Variants in UTRN observed in about 807,000 individuals in gnomAD.
The protein encoded by UTRN is dystrophin-related protein 1.
Under a neutral mutation model 463.9 loss-of-function variants are expected in UTRN, and 283 were observed. That is an observed-to-expected ratio of 0.61 (90% CI 0.55 to 0.67). The LOEUF is 0.67. Ranked by LOEUF, UTRN falls within the 30% of genes least tolerant of loss-of-function variation. The pLI is 0.00. For missense variants in UTRN, 3,922 were observed against 4,084.3 expected (o/e 0.96, Z 1.08); for synonymous variants, 1,442 against 1,431.5 (o/e 1.01, Z -0.17).
intron 52 of UTRN, among the ~76,000 whole-genome samples, chr6:144,680,066 G>T (rs1782054979): frequency 6.6e-6 from 1 of 152,036 alleles, no homozygotes; most frequent in African/African-American, 2.4e-5. Flanking sequence ...TCATAAATAT[G>T]AACAAAAATA....
intron 53 of UTRN, chr6:144,708,529 A>T: frequency 2.7e-6 from 1 of 375,814 alleles, no homozygotes; most frequent in Non-Finnish European, 5.0e-6. Context: ...GGTATAGAAA[A>T]AAACACAGTC....
chr6:144,611,569 T>G (rs901316441), intron 51 of UTRN, among the ~76,000 whole-genome samples: 2 of 152,068 alleles, frequency 1.3e-5, no homozygotes, highest in Non-Finnish European at 2.9e-5. Flanking sequence ...CTATGACAAA[T>G]TATCCAAATA....
chr6:144,495,736 A>G (rs1189255815), intron 33 of UTRN, among the ~76,000 whole-genome samples: 2 of 152,368 alleles, frequency 1.3e-5, no homozygotes, highest in East Asian at 3.9e-4. Context: ...CAAGGGAAAA[A>G]ATAAATGTTA....
At chr6:144,443,349 G>A (rs1479966937) in intron 13 of UTRN, among the ~76,000 whole-genome samples, 1 of 152,126 alleles carries the variant, frequency 6.6e-6, no homozygotes, top group Non-Finnish European at 1.5e-5. Context: ...TGACTATTTA[G>A]CAGTAAGGAA....
At chr6:144,492,534 C>G (rs950641482) in intron 32 of UTRN, among the ~76,000 whole-genome samples, 1 of 152,054 alleles carries the variant, frequency 6.6e-6, no homozygotes, top group Admixed American at 6.6e-5. Flanking sequence ...ACTTATATAC[C>G]CAGTAATAGG....
At chr6:144,505,796 C>T (rs150655113) in intron 34 of UTRN, among the ~76,000 whole-genome samples, 1,844 of 152,256 alleles carry the variant, frequency 0.012, 109 homozygotes, top group Admixed American at 0.088. Context: ...GAGTTCAAGT[C>T]CTGAATATCC....
At chr6:144,633,252 C>T (rs1776725266) in intron 51 of UTRN, among the ~76,000 whole-genome samples, 1 of 127,270 alleles carries the variant, frequency 7.9e-6, no homozygotes, top group Non-Finnish European at 1.6e-5. Flanking sequence ...TTTCCTGAGA[C>T]GGAGTCTTGC....
intron 53 of UTRN, among the ~76,000 whole-genome samples, chr6:144,715,246 T>C (rs1230789400): frequency 1.3e-5 from 2 of 152,194 alleles, no homozygotes; most frequent in Non-Finnish European, 2.9e-5. Flanking sequence ...TAACAAATAA[T>C]AATCACCTTT....
intron 35 of UTRN, among the ~76,000 whole-genome samples, chr6:144,512,293 T>C (rs971239979): frequency 6.6e-6 from 1 of 152,078 alleles, no homozygotes; most frequent in African/African-American, 2.4e-5. Flanking sequence ...TTATGGCCCT[T>C]ATTTCTGTAT....
Position 144,769,134 on chromosome 6 carries a change from G to A in UTRN, c.8496-2773G>A, listed in dbSNP as rs145074299. The stretch of plus-strand genomic sequence containing the variant: ...TTAGAACCCAAGCTGTTGTTATTTT[G>A]GGGGAAAATGCTACTTTTATTCTGT... On this transcript the variant is annotated intron_variant, in intron 58 of 74. Coordinates refer to ENST00000367545, the MANE Select transcript of UTRN (RefSeq NM_007124.3). Among the ~76,000 whole-genome samples, 379 of 151,788 alleles carry A rather than the reference G, an allele frequency of 2.5e-3. 4 individuals carry two copies. The highest frequency in any genetic ancestry group is 8.6e-3 in the African/African-American group (356 of 41,426).
chr6:144,757,965 A>T lies in UTRN; in HGVS notation c.8471A>T (p.His2824Leu), dbSNP rs760918014. The T allele has an allele frequency of 6.2e-7, 1 of 1,611,218 alleles. No homozygotes were observed. The highest frequency in any genetic ancestry group is 8.5e-7 in the Non-Finnish European group (1 of 1,178,356). ...VQLPWQRSIS[H>L]NKVPYYINHQ... ...CTGCCGTGGCAAAGATCCATTTCAC[A>T]TAATAAAGTGCCCTATTACATCAAG... The change falls in exon 58 of 75, where the codon CAT becomes CTT. Residue 2824 changes from histidine to leucine, a missense_variant. Around this residue, in one of 3 missense-constraint regions of UTRN, gnomAD observed 1,309 missense variants for 1,452.6 expected, o/e 0.90. Transcript: ENST00000367545.
chr6:144,782,531 C>G (rs1775927648), intron 61 of UTRN, among the ~76,000 whole-genome samples: 1 of 151,844 alleles, frequency 6.6e-6, no homozygotes, highest in South Asian at 2.1e-4. Flanking sequence ...ATCTGCTCTA[C>G]AATCTTTGTA....
chr6:144,445,179 C>T (rs1224644091), intron 14 of UTRN, among the ~76,000 whole-genome samples: 3 of 151,806 alleles, frequency 2.0e-5, no homozygotes, highest in South Asian at 2.1e-4. Context: ...AGTGAAACCC[C>T]GTCTCCACTA....
chr6:144,322,484 T>C (rs1202203312), intron 2 of UTRN, among the ~76,000 whole-genome samples: 1 of 152,212 alleles, frequency 6.6e-6, no homozygotes, highest in African/African-American at 2.4e-5. Flanking sequence ...CAGGAATTTA[T>C]TTTGACCAGC....
intron 51 of UTRN, among the ~76,000 whole-genome samples, chr6:144,630,365 T>C (rs566905064): frequency 1.3e-5 from 2 of 152,244 alleles, no homozygotes; most frequent in South Asian, 2.1e-4. Context: ...CACTGGGTGA[T>C]TTATAAAGGA....
chr6:144,488,846 C>A lies in UTRN; in HGVS notation c.4134+12C>A. ...CACAGGAAGCTCAGGTATTGCCGTGCATTTGAGGGCTTTTGAGCTGTAAAG... is the reference window on the plus strand; with the variant it reads ...CACAGGAAGCTCAGGTATTGCCGTGAATTTGAGGGCTTTTGAGCTGTAAAG... On this transcript the variant is annotated intron_variant, in intron 30 of 74. Coordinates refer to ENST00000367545, the MANE Select transcript of UTRN (RefSeq NM_007124.3). The A allele has an allele frequency of 1.3e-6, 2 of 1,576,518 alleles. No homozygotes were observed. Among genetic ancestry groups the A allele is most frequent in the Non-Finnish European group, 1.7e-6 (2 of 1,157,456 alleles).
intron 2 of UTRN, among the ~76,000 whole-genome samples, chr6:144,364,359 C>G (rs186825977): frequency 2.0e-5 from 3 of 152,184 alleles, no homozygotes; most frequent in Admixed American, 2.0e-4. Flanking sequence ...TTATGTTTCC[C>G]CCTGAGAGGT....
At chr6:144,428,402 A>G (rs1385518075) in intron 7 of UTRN, among the ~76,000 whole-genome samples, 1 of 136,026 alleles carries the variant, frequency 7.4e-6, no homozygotes, top group Admixed American at 7.3e-5. Context: ...TGAGCTGCTC[A>G]TTTTTCTTAT....
In UTRN at chr6:144,423,986, G is replaced by A. The variant is rs983563876; in HGVS notation, c.313G>A (p.Val105Met). 5.0e-6 allele frequency: 8 copies of A among 1,613,528 alleles called. No individual in the cohort carries two copies. Among genetic ancestry groups the A allele is most frequent in the Non-Finnish European group, 6.8e-6 (8 of 1,179,846 alleles). ...TTTGTTTTTTGTTTTGTCTTAATAG[G>A]TGGAATTAGTGAATATAGGGGGAAC... The part of the protein sequence containing the change: ...RVLQVLHQNN[V>M]ELVNIGGTDI... The change falls in exon 6 of 75, where the codon GTG becomes ATG. Residue 105 changes from valine to methionine, a missense_variant and splice_region_variant. Physicochemically the swap from Val to Met is conservative, Grantham distance 21 (BLOSUM62 1). Coordinates refer to ENST00000367545, the MANE Select transcript of UTRN (RefSeq NM_007124.3).
Sources: allele counts gnomAD v4.1 joint callset (sites outside exome capture counted in the v4.1 genomes callset), GRCh38; gene constraint gnomAD v4.1.1; regional missense constraint gnomAD v4.1.1; transcripts MANE v1.5; gene names NCBI Gene and HGNC (gene_info 2026-07-23, HGNC 2026-07-21).